MPHOSPH9: variants seen among roughly 807,000 people sequenced by gnomAD.
MPHOSPH9 encodes the protein M-phase phosphoprotein 9.
A neutral mutation model predicts 145.5 loss-of-function variants in MPHOSPH9; 88 were observed. The observed-to-expected ratio is 0.60, with a 90% CI of 0.51 to 0.72. The LOEUF is 0.72. Ranked by LOEUF, MPHOSPH9 falls within the 30% of genes least tolerant of loss-of-function variation. The probability of loss-of-function intolerance (pLI) is 0.00; values close to 1 mark genes in which losing one functional copy is unlikely to be tolerated. For synonymous variants in MPHOSPH9, 435 were observed against 486.2 expected, an observed-to-expected ratio of 0.89 and a Z score of 1.39; for missense variants, 1,238 against 1,386.6, an observed-to-expected ratio of 0.89 and a Z score of 1.70.
At chr12:123,206,500 A>G (rs1256201128) in intron 8 of MPHOSPH9, among the ~76,000 whole-genome samples, 1 of 79,758 alleles carries the variant, frequency 1.3e-5, no homozygotes, top group Non-Finnish European at 2.2e-5. Context: ...AAGAGAAGAG[A>G]GGAGAGGAGA....
chr12:123,198,809 C>CA (rs35259138), intron 11 of MPHOSPH9, among the ~76,000 whole-genome samples: 2,062 of 48,466 alleles, frequency 0.043, 166 homozygotes, highest in African/African-American at 0.13. Context: ...GAACCTGTCT[C>CA]AAAAAAAAAA....
At chr12:123,211,665 A>G (rs1319744614) in intron 7 of MPHOSPH9, among the ~76,000 whole-genome samples, 1 of 128,328 alleles carries the variant, frequency 7.8e-6, no homozygotes, top group Non-Finnish European at 1.7e-5. Context: ...CTTAAAATAT[A>G]TTTTAAAATA....
At chr12:123,161,090 C>T in intron 22 of MPHOSPH9, 46 bp downstream of exon 22, 1 of 1,597,280 alleles carries the variant, frequency 6.3e-7, no homozygotes, top group Non-Finnish European at 8.5e-7. Context: ...TAGACATAAG[C>T]ATTAAGTTCA....
chr12:123,164,044 T>C lies in MPHOSPH9; in HGVS notation c.2814A>G (p.Pro938=). Residue 938 remains proline, a synonymous_variant, in exon 19 of 24, where the codon CCA becomes CCG. Transcript: ENST00000606320. ...TETSVNASRS[P]EKCAQQRQKR... ...TTTGTCTCTGTTGGGCACACTTTTCTGGAGAACGACTTGCATTAACTGAAG... is the reference window on the plus strand; with the variant it reads ...TTTGTCTCTGTTGGGCACACTTTTCCGGAGAACGACTTGCATTAACTGAAG... 6.2e-7 allele frequency: 1 copy of C among 1,614,192 alleles called. No homozygotes were observed. The highest frequency in any genetic ancestry group is 8.5e-7 in the Non-Finnish European group (1 of 1,180,028).
chr12:123,200,983 CAAT>C, intron 11 of MPHOSPH9, among the ~76,000 whole-genome samples: 1 of 152,174 alleles, frequency 6.6e-6, no homozygotes, highest in South Asian at 2.1e-4. Context: ...TAAACAAAAA[CAAT>C]AATAAAAAAA....
intron 13 of MPHOSPH9, among the ~76,000 whole-genome samples, chr12:123,188,904 C>T (rs973328275): frequency 1.3e-4 from 20 of 152,118 alleles, no homozygotes; most frequent in East Asian, 7.7e-4. Flanking sequence ...GGTGTGGTGG[C>T]GTATGCCTAT....
At chr12:123,210,689 G>A (rs907226668) in intron 7 of MPHOSPH9, among the ~76,000 whole-genome samples, 3 of 151,380 alleles carry the variant, frequency 2.0e-5, no homozygotes, top group African/African-American at 7.3e-5. Context: ...GAGTGACAGA[G>A]TCTCAAAAAA....
chr12:123,170,912 T>C (rs887361891), intron 16 of MPHOSPH9, among the ~76,000 whole-genome samples: 3 of 152,210 alleles, frequency 2.0e-5, no homozygotes, highest in Admixed American at 6.5e-5. Flanking sequence ...TTGCCAAACG[T>C]TAAAGTGTTT....
intron 4 of MPHOSPH9, 27 bp from the exon 5 acceptor site, chr12:123,221,922 G>A (rs781328318): frequency 5.5e-6 from 7 of 1,266,034 alleles, no homozygotes. Flanking sequence ...ATAGATTTGG[G>A]TAAGAAAGTA....
chr12:123,228,566 T>C (rs2047519335), intron 2 of MPHOSPH9, among the ~76,000 whole-genome samples: 1 of 152,002 alleles, frequency 6.6e-6, no homozygotes, highest in East Asian at 1.9e-4. Flanking sequence ...TGCGTGCCTG[T>C]AGTCCCAGCC....
At chr12:123,197,802 A>T (rs937267347) in intron 12 of MPHOSPH9, among the ~76,000 whole-genome samples, 2 of 147,686 alleles carry the variant, frequency 1.4e-5, no homozygotes, top group African/African-American at 5.1e-5. Context: ...AAAAAAAAAA[A>T]AAAGGGTGCA....
At chr12:123,241,622 G>C (rs964396914) in intron 1 of MPHOSPH9, among the ~76,000 whole-genome samples, 1 of 152,030 alleles carries the variant, frequency 6.6e-6, no homozygotes, top group Non-Finnish European at 1.5e-5. Flanking sequence ...TTACAGGCAC[G>C]AACCACCATG....
chr12:123,161,388 C>A lies in MPHOSPH9; in HGVS notation c.3134-5G>T. The A allele has an allele frequency of 6.2e-7, 1 of 1,613,448 alleles. No individual in the cohort carries two copies. The highest frequency in any genetic ancestry group is 8.5e-7 in the Non-Finnish European group (1 of 1,179,664). ...CTTTCTCAGAATAAGTTTTTTCTGT[C>A]AGAGAGGAGAGAAATTGCTTATATT... On this transcript the variant is annotated splice_region_variant and splice_polypyrimidine_tract_variant and intron_variant, in intron 21 of 23. Transcript: ENST00000606320.
At chr12:123,197,026 T>A (rs1260366669) in intron 12 of MPHOSPH9, among the ~76,000 whole-genome samples, 1 of 111,966 alleles carries the variant, frequency 8.9e-6, no homozygotes, top group Non-Finnish European at 1.8e-5. Context: ...GGTTAAGGGG[T>A]GTGGGTTTTT....
chr12:123,161,096 G>A (rs2137870941), intron 22 of MPHOSPH9, 40 bp downstream of exon 22: 1 of 1,604,254 alleles, frequency 6.2e-7, no homozygotes, highest in East Asian at 2.2e-5. Context: ...TAAGCATTAA[G>A]TTCAGAAAAC....
At chr12:123,166,074 T>C (rs1001060310) in intron 17 of MPHOSPH9, among the ~76,000 whole-genome samples, 3 of 152,322 alleles carry the variant, frequency 2.0e-5, no homozygotes, top group East Asian at 1.9e-4. Flanking sequence ...GGGCTCGGGC[T>C]GGCCAGAGCC....
chr12:123,168,508 AT>A (rs904162757), intron 16 of MPHOSPH9, among the ~76,000 whole-genome samples: 1 of 151,294 alleles, frequency 6.6e-6, no homozygotes, highest in African/African-American at 2.4e-5. Context: ...CGCCCGGCTA[AT>A]TTTTTTGTAT....
intron 18 of MPHOSPH9, among the ~76,000 whole-genome samples, chr12:123,165,091 T>C (rs2044259624): frequency 6.6e-6 from 1 of 151,894 alleles, no homozygotes; most frequent in Non-Finnish European, 1.5e-5. Context: ...ACTGGCTTTG[T>C]ACAAAAGGTA....
rs1247703069 is a variant in MPHOSPH9 at position 123,162,205 on chromosome 12, A to T, written c.3043T>A (p.Leu1015Met). The T allele has an allele frequency of 2.0e-6, 3 of 1,509,384 alleles. No individual in the cohort carries two copies. Among genetic ancestry groups the T allele is most frequent in the Non-Finnish European group, 2.7e-6 (3 of 1,120,712 alleles). The allele number at this position is 1,509,384 out of a possible 1,614,324, so 93.5% of individuals were successfully genotyped here. A position where few individuals can be genotyped will look rare whatever the true frequency, so the allele number is the denominator to read the frequency against. ...ESSPIRFDILLDDLDTVPVST... is the reference protein window; with the variant it reads ...ESSPIRFDILMDDLDTVPVST... ...ACAGGAACAGTATCTAAATCATCCA[A>T]AAGTATATCAAATCTATTGAATGAA... is the stretch of plus-strand genomic sequence containing the variant. The change falls in exon 21 of 24, where the codon TTG becomes ATG. Residue 1015 changes from leucine (L) to methionine (M), a missense_variant. By Grantham distance (15) the Leu-to-Met change is conservative (BLOSUM62 2). Around this residue, in one of 3 missense-constraint regions of MPHOSPH9, gnomAD observed 393 missense variants for 462.5 expected, o/e 0.85. Transcript: ENST00000606320.
Sources: gnomAD v4.1 joint callset for allele counts (sites outside exome capture counted in the v4.1 genomes callset) on GRCh38, gnomAD v4.1.1 for gene constraint, gnomAD v4.1.1 regional missense constraint, MANE v1.5 for transcripts, NCBI Gene and HGNC (gene_info 2026-07-23, HGNC 2026-07-21) for gene names.